The following GOLM1 variants were observed in gnomAD, a reference collection of about 807,000 sequenced individuals.
GOLM1 encodes the protein epididymis luminal protein 46.
A neutral mutation model predicts 50.5 loss-of-function variants in GOLM1; 31 were observed. The observed-to-expected ratio is 0.61, with a 90% CI of 0.46 to 0.83. The LOEUF (loss-of-function observed/expected upper bound fraction) is 0.83. GOLM1 is among the 40% of genes least tolerant of loss of function. The probability of loss-of-function intolerance (pLI) is 0.00; values close to 1 mark genes in which losing one functional copy is unlikely to be tolerated. For missense variants in GOLM1, 491 were observed against 501.3 expected (o/e 0.98, Z 0.20); for synonymous variants, 178 against 192.8 (o/e 0.92, Z 0.64).
chr9:86,049,715 T>C (rs973094052), intron 4 of GOLM1, among the ~76,000 whole-genome samples: 4 of 152,248 alleles, frequency 2.6e-5, no homozygotes, highest in Non-Finnish European at 5.9e-5. Context: ...CACATTGATT[T>C]TGTATTCTGA....
chr9:86,035,880 A>G (rs1833120631), intron 7 of GOLM1, among the ~76,000 whole-genome samples: 1 of 128,396 alleles, frequency 7.8e-6, no homozygotes, highest in Non-Finnish European at 1.7e-5. Context: ...AAAAAAAACA[A>G]AACAAAAAAA....
chr9:86,062,056 G>A (rs7026107), intron 3 of GOLM1, among the ~76,000 whole-genome samples: 50,297 of 152,006 alleles, frequency 0.33, 10,167 homozygotes, highest in African/African-American at 0.56. Context: ...AGGAAAACAC[G>A]TAGGACACAC....
intron 3 of GOLM1, among the ~76,000 whole-genome samples, chr9:86,071,477 G>A (rs1272260057): frequency 3.3e-5 from 5 of 151,948 alleles, no homozygotes; most frequent in African/African-American, 9.7e-5. Flanking sequence ...TCAGGAGTTC[G>A]AGACCAGCCT....
At chr9:86,065,203 T>C (rs1195039873) in intron 3 of GOLM1, among the ~76,000 whole-genome samples, 1 of 152,128 alleles carries the variant, frequency 6.6e-6, no homozygotes, top group Non-Finnish European at 1.5e-5. Flanking sequence ...TCTGGGTGGT[T>C]TCTCTGTCTA....
intron 9 of GOLM1, among the ~76,000 whole-genome samples, chr9:86,030,065 G>T (rs142136029): frequency 3.0e-4 from 46 of 152,088 alleles, no homozygotes; most frequent in South Asian, 6.2e-4. Context: ...TACAAAATTA[G>T]CTGGGCATGG....
chr9:86,092,434 T>C (rs1332481629), intron 1 of GOLM1, among the ~76,000 whole-genome samples: 1 of 152,206 alleles, frequency 6.6e-6, no homozygotes, highest in African/African-American at 2.4e-5. Context: ...TGACCTACAG[T>C]TGCCACTGAG....
chr9:86,046,416 C>T (rs2118700107), intron 5 of GOLM1, 54 bp downstream of exon 5: 2 of 1,053,830 alleles, frequency 1.9e-6, no homozygotes, highest in East Asian at 4.8e-5. Flanking sequence ...TTAATCCCCG[C>T]CTCCCAGGTG....
At chr9:86,049,606 C>T (rs1833670231) in intron 4 of GOLM1, among the ~76,000 whole-genome samples, 1 of 152,096 alleles carries the variant, frequency 6.6e-6, no homozygotes, top group African/African-American at 2.4e-5. Flanking sequence ...AAGTTGGATT[C>T]CTAGGTATTT....
At chr9:86,041,122 T>A (rs1833330950) in intron 5 of GOLM1, among the ~76,000 whole-genome samples, 1 of 152,144 alleles carries the variant, frequency 6.6e-6, no homozygotes, top group Non-Finnish European at 1.5e-5. Context: ...TTTTTTAACA[T>A]ACAATCTGTA....
chr9:86,035,304 A>G (rs906993461), intron 8 of GOLM1, 64 bp downstream of exon 8: 3 of 1,581,132 alleles, frequency 1.9e-6, no homozygotes, highest in African/African-American at 2.7e-5. Flanking sequence ...TGGGAAGGAC[A>G]TGGAGGTGGG....
At chr9:86,090,808 A>AAAAC (rs1563969854) in intron 1 of GOLM1, among the ~76,000 whole-genome samples, 1 of 151,248 alleles carries the variant, frequency 6.6e-6, no homozygotes, top group East Asian at 1.9e-4. Context: ...AAAAAAAAAA[A>AAAAC]AAAAAACTCC....
intron 2 of GOLM1, among the ~76,000 whole-genome samples, chr9:86,078,545 C>T (rs7019241): frequency 0.19 from 28,353 of 151,836 alleles, 3,984 homozygotes; most frequent in East Asian, 0.54. Flanking sequence ...GATGGCTTAG[C>T]GGGATCCTTT....
chr9:86,087,392 CAG>C (rs1835011404), intron 1 of GOLM1, among the ~76,000 whole-genome samples: 1 of 152,164 alleles, frequency 6.6e-6, no homozygotes, highest in African/African-American at 2.4e-5. Context: ...TGTCTGCAAA[CAG>C]GGATCATATG....
chr9:86,033,800 G>A (rs529202507), intron 8 of GOLM1, among the ~76,000 whole-genome samples: 57 of 152,204 alleles, frequency 3.7e-4, no homozygotes, highest in African/African-American at 1.3e-3. Context: ...TGTGAGACAC[G>A]TGAGAAGGTG....
At chr9:86,041,957 A>G (rs1198142731) in intron 5 of GOLM1, among the ~76,000 whole-genome samples, 3 of 152,162 alleles carry the variant, frequency 2.0e-5, no homozygotes, top group Non-Finnish European at 4.4e-5. Context: ...CTCTATTAAA[A>G]ACACAAAAAA....
chr9:86,068,987 TAAC>T (rs1376177854), intron 3 of GOLM1, among the ~76,000 whole-genome samples: 2 of 151,932 alleles, frequency 1.3e-5, no homozygotes, highest in African/African-American at 4.8e-5. Context: ...TTTTTTTTTT[TAAC>T]AATATGCAAA....
Position 86,054,317 on chromosome 9 carries a change from G to A in GOLM1, c.310-1726C>T, listed in dbSNP as rs542626401. The stretch of plus-strand genomic sequence containing the variant: ...AGTTTTGCTCTGTTGCCCAGGCTGG[G>A]GTGCAATGGCGCGATCTCCGGTTCA... On this transcript the variant is annotated intron_variant, in intron 3 of 9. Coordinates refer to ENST00000388712, the MANE Select transcript of GOLM1 (RefSeq NM_016548.4). 1.8e-4 allele frequency among the ~76,000 whole-genome samples: 28 copies of A among 151,434 alleles called. 1 individual carries two copies. Among genetic ancestry groups the A allele is most frequent in the South Asian group, 4.2e-4 (2 of 4,776 alleles).
At chr9:86,060,058 A>G (rs531088768) in intron 3 of GOLM1, among the ~76,000 whole-genome samples, 1 of 152,312 alleles carries the variant, frequency 6.6e-6, no homozygotes, top group South Asian at 2.1e-4. Flanking sequence ...AAAAATAAGA[A>G]ACAGGTGAAA....
chr9:86,040,760 T>C lies in GOLM1; in HGVS notation c.576A>G (p.Glu192=), dbSNP rs1833318008. Residue 192 remains glutamate, a synonymous_variant, in exon 6 of 10, where the codon GAA becomes GAG. Coordinates refer to ENST00000388712, the MANE Select transcript of GOLM1 (RefSeq NM_016548.4). ...TTACCTGCTGTCTCTGGTCGTTGTT[T>C]TCACTCAGGTCTCTGGAAGCTACAG... is the stretch of plus-strand genomic sequence containing the variant. The part of the protein sequence containing the change: ...NEAVASRDLS[E]NNDQRQQLQA... 6.2e-7 allele frequency: 1 copy of C among 1,613,676 alleles called. No homozygotes were observed. The highest frequency in any genetic ancestry group is 1.3e-5 in the African/African-American group (1 of 75,016).
Sources: allele counts gnomAD v4.1 joint callset (sites outside exome capture counted in the v4.1 genomes callset), GRCh38; gene constraint gnomAD v4.1.1; transcripts MANE v1.5; gene names NCBI Gene and HGNC (gene_info 2026-07-23, HGNC 2026-07-21).